Variants in NUP205 observed in about 807,000 individuals in gnomAD.
NUP205 encodes the protein nuclear pore complex protein Nup205.
NUP205 carries 76 observed loss-of-function variants against 253.8 expected under a neutral mutation model. That is an observed-to-expected ratio of 0.30 (90% CI 0.25 to 0.36). The LOEUF is 0.36. NUP205 is among the 10% of genes least tolerant of loss of function. The probability of loss-of-function intolerance (pLI) is 1.00; values close to 1 mark genes in which losing one functional copy is unlikely to be tolerated. For synonymous variants in NUP205, 832 were observed against 850.1 expected, an observed-to-expected ratio of 0.98 and a Z score of 0.37; for missense variants, 2,162 against 2,425.5, an observed-to-expected ratio of 0.89 and a Z score of 2.28.
At chr7:135,571,885 A>G (rs1806007142) in intron 2 of NUP205, among the ~76,000 whole-genome samples, 1 of 152,190 alleles carries the variant, frequency 6.6e-6, no homozygotes, top group South Asian at 2.1e-4. Context: ...ATATTTTTTA[A>G]AGACAGGGTG....
chr7:135,619,740 A>C (rs1386617778), intron 29 of NUP205, 50 bp downstream of exon 29: 8 of 1,595,782 alleles, frequency 5.0e-6, no homozygotes, highest in Non-Finnish European at 6.8e-6. Flanking sequence ...TATTTGTTTT[A>C]ACTTTAATTG....
At chr7:135,596,240 A>C (rs150215021) in intron 13 of NUP205, among the ~76,000 whole-genome samples, 162 of 152,322 alleles carry the variant, frequency 1.1e-3, no homozygotes, top group Non-Finnish European at 1.7e-3. Flanking sequence ...AGCCAGAAGC[A>C]ACCATTTTGA....
intron 33 of NUP205, among the ~76,000 whole-genome samples, chr7:135,627,028 T>C (rs1443365485): frequency 6.6e-6 from 1 of 152,192 alleles, no homozygotes; most frequent in Non-Finnish European, 1.5e-5. Context: ...ACATTTATTT[T>C]AGTATTGCGG....
intron 35 of NUP205, among the ~76,000 whole-genome samples, chr7:135,632,920 T>A (rs1455137956): frequency 6.6e-6 from 1 of 152,134 alleles, no homozygotes; most frequent in Admixed American, 6.6e-5. Context: ...GGTTTTCCAG[T>A]TGTGAGATAG....
rs947177313 is a variant in NUP205 at position 135,622,833 on chromosome 7, C to G, written c.4387C>G (p.Gln1463Glu). 19 of 1,613,946 alleles carry G rather than the reference C, an allele frequency of 1.2e-5. No individual in the cohort carries two copies. The Middle Eastern group carries it at 9.9e-4, about 84-fold the overall frequency. ...CCCTGAAGATGTATTTAGCAAATTACAGCGAGAAAACATAGCCATTATTGA... is the reference window on the plus strand; with the variant it reads ...CCCTGAAGATGTATTTAGCAAATTAGAGCGAGAAAACATAGCCATTATTGA... Reference protein sequence around the residue: ...TAPEDVFSKLQRENIAIIESY... With the variant: ...TAPEDVFSKLERENIAIIESY... The change falls in exon 31 of 43, where the codon CAG becomes GAG. Residue 1463 changes from glutamine (Q) to glutamate (E), a missense_variant. Gln to Glu is a conservative substitution (Grantham distance 29). Transcript: ENST00000285968.
chr7:135,563,280 T>C (rs1468595903), intron 1 of NUP205, among the ~76,000 whole-genome samples: 2 of 151,996 alleles, frequency 1.3e-5, no homozygotes, highest in Non-Finnish European at 2.9e-5. Context: ...CTCCGCCTCC[T>C]GGGTTCAAGC....
At position 135,576,407 on chromosome 7, in the gene NUP205, G is replaced by C; in HGVS notation, c.481G>C (p.Glu161Gln). ...TAGACGGGGAAAGACATGGACCCTA[G>C]AACTCAGGTCTTTTTACTTCTTGGG... ...QSRRGKTWTL[E>Q]LSPELASMTT... The change falls in exon 4 of 43, where the codon GAA becomes CAA. Residue 161 changes from glutamate to glutamine, a missense_variant. This residue lies in a region of NUP205 where 892 missense variants were observed against 957.1 expected (regional missense o/e 0.93). Transcript: ENST00000285968. 1 of 1,608,642 alleles carries C rather than the reference G, an allele frequency of 6.2e-7. No individual in the cohort carries two copies. The highest frequency in any genetic ancestry group is 8.5e-7 in the Non-Finnish European group (1 of 1,178,512).
chr7:135,616,669 A>G lies in NUP205; in HGVS notation c.3475A>G (p.Ile1159Val). The change falls in exon 25 of 43, where the codon ATA becomes GTA. Residue 1159 changes from isoleucine (I) to valine (V), a missense_variant. By Grantham distance (29) the Ile-to-Val change is conservative. Coordinates refer to ENST00000285968, the MANE Select transcript of NUP205 (RefSeq NM_015135.3). ...VKPYSDGEGG[I>V]EDENRSVSGF... ...TATTCCAACAGATGGTGAAGGAGGA[A>G]TAGAAGATGAAAACAGGTCTGTTTC... 3 of 1,564,830 alleles carry G rather than the reference A, an allele frequency of 1.9e-6. No homozygotes were observed. Among genetic ancestry groups the G allele is most frequent in the Non-Finnish European group, 2.6e-6 (3 of 1,157,806 alleles).
At position 135,584,890 on chromosome 7, in the gene NUP205, C is replaced by A. The variant is rs144217755; in HGVS notation, c.1101C>A (p.Asn367Lys). The change falls in exon 8 of 43, where the codon AAC becomes AAA. Residue 367 changes from asparagine (N) to lysine (K), a missense_variant. Coordinates refer to ENST00000285968, the MANE Select transcript of NUP205 (RefSeq NM_015135.3). ...EAMAELAIADNVFLFLMESVV... is the reference protein window; with the variant it reads ...EAMAELAIADKVFLFLMESVV... ...TGGCAGAACTCGCAATTGCTGACAACGTTTTCCTGTTCCTCATGGAATCTG... is the reference window on the plus strand; with the variant it reads ...TGGCAGAACTCGCAATTGCTGACAAAGTTTTCCTGTTCCTCATGGAATCTG... 6.2e-7 allele frequency: 1 copy of A among 1,613,982 alleles called. No individual in the cohort carries two copies. The highest frequency in any genetic ancestry group is 1.1e-5 in the South Asian group (1 of 91,072).
At chr7:135,572,918 C>A (rs56409845) in intron 2 of NUP205, among the ~76,000 whole-genome samples, 8,892 of 151,512 alleles carry the variant, frequency 0.059, 311 homozygotes, top group South Asian at 0.11. Context: ...ATTGTGTTAC[C>A]AGAAATGGCT....
intron 13 of NUP205, among the ~76,000 whole-genome samples, chr7:135,595,964 T>A (rs552650839): frequency 9.8e-5 from 15 of 152,298 alleles, no homozygotes; most frequent in African/African-American, 3.6e-4. Context: ...GATGAAGTTT[T>A]GCTCTTGTTG....
chr7:135,594,615 C>T lies in NUP205; in HGVS notation c.1899C>T (p.Leu633=), dbSNP rs1197477523. The change falls in exon 13 of 43, where the codon CTC becomes CTT. Residue 633 remains leucine, a synonymous_variant. Coordinates refer to ENST00000285968, the MANE Select transcript of NUP205 (RefSeq NM_015135.3). The part of the protein sequence containing the change: ...QWTPVVVILG[L]LQCSIPPVLK... ...CCCCTGTTGTGGTGATTCTGGGACT[C>T]CTCCAATGCAGTATTCCCCCTGTCC... 3.1e-6 allele frequency: 5 copies of T among 1,613,424 alleles called. No homozygotes were observed. The highest frequency in any genetic ancestry group is 2.2e-5 in the East Asian group (1 of 44,868).
At position 135,624,222 on chromosome 7, in the gene NUP205, G is replaced by A. The variant is rs564058295; in HGVS notation, c.4480-942G>A. On this transcript the variant is annotated intron_variant, in intron 31 of 42. Transcript: ENST00000285968. The stretch of plus-strand genomic sequence containing the variant: ...TTTTTTTCTTTTTTCTTTTTATTGA[G>A]ACAGAGTCTTGCTCTGTTGCCCAGA... Among the ~76,000 whole-genome samples, 8 of 151,748 alleles carry A rather than the reference G, an allele frequency of 5.3e-5. No homozygotes were observed. The East Asian group carries it at 1.4e-3, about 26-fold the overall frequency.
chr7:135,558,105 C>T, intron 1 of NUP205, 133 bp downstream of exon 1: 6 of 779,232 alleles, frequency 7.7e-6, no homozygotes, highest in South Asian at 1.4e-5. Flanking sequence ...AATTCTGGGC[C>T]TAGAGTCCCA....
chr7:135,604,371 T>C lies in NUP205; in HGVS notation c.2734T>C (p.Leu912=), dbSNP rs1794039255. Residue 912 remains leucine, a synonymous_variant, in exon 19 of 43, where the codon TTG becomes CTG. Transcript: ENST00000285968. ...YLYHGNTNPE[L]AFESAKILCC... is the part of the protein sequence containing the mutation. Reference sequence around the variant, plus strand: ...ATATCATGGCAATACTAATCCAGAATTGGCTTTTGAAAGTGCCAAGATCCT... The same window carrying C: ...ATATCATGGCAATACTAATCCAGAACTGGCTTTTGAAAGTGCCAAGATCCT... 3.7e-6 allele frequency: 6 copies of C among 1,612,756 alleles called. No homozygotes were observed. The East Asian group carries it at 8.9e-5, about 24-fold the overall frequency.
chr7:135,621,934 CTG>C (rs1316082127), intron 30 of NUP205, among the ~76,000 whole-genome samples: 1 of 151,960 alleles, frequency 6.6e-6, no homozygotes, highest in Non-Finnish European at 1.5e-5. Context: ...TCCCCAGTAA[CTG>C]GGATTATAGG....
rs761803986 is a variant in NUP205 at position 135,617,255 on chromosome 7, T to C, written c.3690+8T>C. ...ACAGTCTGCAATGTCAAGGTGAGGA[T>C]TGCTTTAAAGTACATATCTGCAGTG... On this transcript the variant is annotated splice_region_variant and intron_variant, in intron 26 of 42. Transcript: ENST00000285968. 6.2e-6 allele frequency: 10 copies of C among 1,612,672 alleles called. No homozygotes were observed. In the Admixed American group the frequency reaches 8.4e-5, roughly 13 times the overall value.
intron 42 of NUP205, among the ~76,000 whole-genome samples, chr7:135,646,621 G>A (rs1410151493): frequency 2.6e-5 from 4 of 152,120 alleles, no homozygotes; most frequent in African/African-American, 9.7e-5. Flanking sequence ...ATAAATGAAT[G>A]AATGTAAGTA....
At chr7:135,576,093 G>A (rs982948863) in intron 3 of NUP205, among the ~76,000 whole-genome samples, 177 bp from the exon 4 acceptor site, 2 of 152,108 alleles carry the variant, frequency 1.3e-5, no homozygotes, top group African/African-American at 2.4e-5. Context: ...GATGGCCCTC[G>A]AATATGTTGA....
Sources: allele counts gnomAD v4.1 joint callset (sites outside exome capture counted in the v4.1 genomes callset), GRCh38; gene constraint gnomAD v4.1.1; regional missense constraint gnomAD v4.1.1; transcripts MANE v1.5; gene names NCBI Gene and HGNC (gene_info 2026-07-23, HGNC 2026-07-21).